The following PABPC5 variants were observed in gnomAD, a reference collection of about 807,000 sequenced individuals.
PABPC5 encodes the protein polyadenylate-binding protein 5.
In PABPC5, 6 loss-of-function variants were observed where a neutral mutation model predicts 12.6. The observed-to-expected ratio is 0.48, with a 90% CI of 0.26 to 0.94. The LOEUF is 0.94. Among genes scored for constraint, PABPC5 ranks in the 40% least tolerant of loss-of-function variants. The probability of loss-of-function intolerance (pLI) is 0.14; values close to 1 mark genes in which losing one functional copy is unlikely to be tolerated. For synonymous variants in PABPC5, 124 were observed against 118.4 expected, an observed-to-expected ratio of 1.05 and a Z score of -0.31; for missense variants, 244 against 302.8, an observed-to-expected ratio of 0.81 and a Z score of 1.44.
rs1269126814 is a variant in PABPC5 at position 91,437,655 on chromosome X, A to G, written c.*929A>G. On this transcript the variant is annotated 3_prime_UTR_variant, in exon 2 of 2. Coordinates refer to ENST00000312600, the MANE Select transcript of PABPC5 (RefSeq NM_080832.3). The stretch of plus-strand genomic sequence containing the variant: ...GCAGTACTCCACAGAATGATGTTGA[A>G]AAACTTCTTCGAAGAACACCTTCTA... 1.6e-5 allele frequency: 2 copies of G among 123,199 alleles called. No individual in the cohort carries two copies. The highest frequency in any genetic ancestry group is 3.8e-5 in the Non-Finnish European group (2 of 53,151). 10.2% of individuals were successfully genotyped at this position (123,199 alleles called of 1,213,427 possible).
chrX:91,435,139 A>C, intron 1 of PABPC5: 1 of 121,308 alleles, frequency 8.2e-6, no homozygotes, highest in Non-Finnish European at 1.7e-5. Flanking sequence ...CCTTGTTGAT[A>C]TCATTTTAAA....
intron 1 of PABPC5, chrX:91,435,115 C>G (rs1200433727): frequency 8.7e-6 from 1 of 114,820 alleles, no homozygotes; most frequent in Non-Finnish European, 1.8e-5. Flanking sequence ...GAGGAATACG[C>G]GCTCGGTCCC....
intron 1 of PABPC5, among the ~76,000 whole-genome samples, chrX:91,435,182 A>C (rs1466859143): frequency 1.8e-5 from 2 of 111,836 alleles, no homozygotes; most frequent in Non-Finnish European, 3.8e-5. Context: ...ATTTATGCAG[A>C]AAGCGGGTCG....
chrX:91,435,877 A>G lies in PABPC5; in HGVS notation c.300A>G (p.Leu100=), dbSNP rs760405733. The G allele has an allele frequency of 1.7e-6, 2 of 1,212,029 alleles. No homozygotes were observed. Among genetic ancestry groups the G allele is most frequent in the Non-Finnish European group, 2.2e-6 (2 of 895,434 alleles). ...TGTGGTCTCAGCCAGATGACCGCTT[A>G]AGAAAGTCTGGAGTGGGAAATATAT... ...RLMWSQPDDR[L]RKSGVGNIFI... is the part of the protein sequence containing the mutation. The change falls in exon 2 of 2, where the codon TTA becomes TTG. Residue 100 remains leucine (L), a synonymous_variant. Coordinates refer to ENST00000312600, the MANE Select transcript of PABPC5 (RefSeq NM_080832.3).
chrX:91,436,941 T>C lies in PABPC5; in HGVS notation c.*215T>C. 2.6e-6 allele frequency: 1 copy of C among 383,894 alleles called. No homozygotes were observed. The highest frequency in any genetic ancestry group is 4.5e-6 in the Non-Finnish European group (1 of 221,281). The allele number at this position is 383,894 out of a possible 1,213,427, so 31.6% of individuals were successfully genotyped here. Reference sequence around the variant, plus strand: ...ATTTTGTACTTTTTTTGATGTAATATCCTTAGAAATCTGTAGAATAAAGTG... The same window carrying C: ...ATTTTGTACTTTTTTTGATGTAATACCCTTAGAAATCTGTAGAATAAAGTG... On this transcript the variant is annotated 3_prime_UTR_variant, in exon 2 of 2. Transcript: ENST00000312600.
intron 1 of PABPC5, 27 bp from the exon 2 acceptor site, chrX:91,435,408 A>G: frequency 2.2e-6 from 1 of 450,188 alleles, no homozygotes. Flanking sequence ...CCTGCTGACC[A>G]GCTGTTTCTG....
In PABPC5 at chrX:91,437,878, T is replaced by C. The variant is rs1343521691; in HGVS notation, c.*1152T>C. The C allele has an allele frequency of 8.2e-6, 1 of 122,107 alleles. No individual in the cohort carries two copies. Among genetic ancestry groups the C allele is most frequent in the East Asian group, 2.8e-4 (1 of 3,547 alleles). The allele number at this position is 122,107 out of a possible 1,213,427, so 10.1% of individuals were successfully genotyped here. A position where few individuals can be genotyped will look rare whatever the true frequency, so the allele number is the denominator to read the frequency against. On this transcript the variant is annotated 3_prime_UTR_variant, in exon 2 of 2. Transcript: ENST00000312600. ...AAAAAAAAAAAGGTTTGTTCAATAT[T>C]GCCGTTACATTTATTAGCCTGTAAT... is the stretch of plus-strand genomic sequence containing the variant.
rs187065721 is a variant in PABPC5 at position 91,438,566 on chromosome X, A to T, written c.*1840A>T. 10 of 123,068 alleles carry T rather than the reference A, an allele frequency of 8.1e-5. No homozygotes were observed. The highest frequency in any genetic ancestry group is 2.9e-4 in the African/African-American group (9 of 31,005). 10.1% of individuals were successfully genotyped at this position (123,068 alleles called of 1,213,427 possible). ...AATAATCATCTTTTCCTGACAATAAATATCAATCTCTATCATCATCTTAGT... is the reference window on the plus strand; with the variant it reads ...AATAATCATCTTTTCCTGACAATAATTATCAATCTCTATCATCATCTTAGT... On this transcript the variant is annotated 3_prime_UTR_variant, in exon 2 of 2. Coordinates refer to ENST00000312600, the MANE Select transcript of PABPC5 (RefSeq NM_080832.3).
rs7050077 is a variant in PABPC5 at position 91,436,518 on chromosome X, A to G, written c.941A>G (p.Asn314Ser). The change falls in exon 2 of 2, where the codon AAT (asparagine) becomes AGT (serine). Residue 314 changes from asparagine (N) to serine (S), a missense_variant. This residue lies in a region of PABPC5 where 211 missense variants were observed against 261.5 expected (regional missense o/e 0.81). Transcript: ENST00000312600. The part of the protein sequence containing the change: ...IYIKNLDETI[N>S]DEKLKEEFSS... ...ATTAAGAACTTGGATGAGACAATCA[A>G]TGATGAAAAACTGAAGGAGGAATTT... 7.2e-4 allele frequency: 868 copies of G among 1,210,628 alleles called. 4 individuals are homozygous for G. The African/African-American group carries it at 0.014, about 19-fold the overall frequency.
At position 91,435,741 on chromosome X, in the gene PABPC5, C is replaced by G. The variant is rs1452748098; in HGVS notation, c.164C>G (p.Thr55Ser). The change falls in exon 2 of 2, where the codon ACC becomes AGC. Residue 55 changes from threonine to serine, a missense_variant. Physicochemically the swap from Thr to Ser is moderately conservative, Grantham distance 58 (BLOSUM62 1). This residue lies in a region of PABPC5 where 211 missense variants were observed against 261.5 expected (regional missense o/e 0.81). Transcript: ENST00000312600. ...ACCCGAATCTGCCGTGATCCGGTGA[C>G]CCGCAGCCCCCTGGGCTATGGGTAT... is the stretch of plus-strand genomic sequence containing the variant. The part of the protein sequence containing the change: ...RFTRICRDPV[T>S]RSPLGYGYVN... 4.1e-6 allele frequency: 5 copies of G among 1,209,526 alleles called. No individual in the cohort carries two copies. Among genetic ancestry groups the G allele is most frequent in the African/African-American group, 3.5e-5 (2 of 57,095 alleles).
At position 91,435,635 on chromosome X, in the gene PABPC5, C is replaced by T; in HGVS notation, c.58C>T (p.Leu20=). 2 of 1,211,302 alleles carry T rather than the reference C, an allele frequency of 1.7e-6. No homozygotes were observed. Among genetic ancestry groups the T allele is most frequent in the Non-Finnish European group, 2.2e-6 (2 of 895,324 alleles). ...GAAAAAGAAGTATCTCAAGGCCGCT[C>T]TGTACGTGGGTGACTTGGACCCAGA... The part of the protein sequence containing the change: ...GKKKKYLKAA[L]YVGDLDPDVT... The change falls in exon 2 of 2, where the codon CTG becomes TTG. Residue 20 remains leucine (L), a synonymous_variant. Transcript: ENST00000312600.
rs751021259 is a variant in PABPC5 at position 91,435,748 on chromosome X, C to G, written c.171C>G (p.Ser57Arg). Reference sequence around the variant, plus strand: ...TCTGCCGTGATCCGGTGACCCGCAGCCCCCTGGGCTATGGGTATGTTAACT... The same window carrying G: ...TCTGCCGTGATCCGGTGACCCGCAGGCCCCTGGGCTATGGGTATGTTAACT... ...TRICRDPVTR[S>R]PLGYGYVNFR... is the part of the protein sequence containing the mutation. The change falls in exon 2 of 2, where the codon AGC (serine) becomes AGG (arginine). Residue 57 changes from serine to arginine, a missense_variant. Physicochemically the swap from Ser to Arg is moderately radical, Grantham distance 110 (BLOSUM62 -1). This residue lies in a region of PABPC5 where 211 missense variants were observed against 261.5 expected (regional missense o/e 0.81). Coordinates refer to ENST00000312600, the MANE Select transcript of PABPC5 (RefSeq NM_080832.3). The G allele has an allele frequency of 1.7e-6, 2 of 1,209,488 alleles. No homozygotes were observed. Among genetic ancestry groups the G allele is most frequent in the African/African-American group, 3.5e-5 (2 of 57,111 alleles).
Position 91,436,612 on chromosome X carries a change from G to A in PABPC5, c.1035G>A (p.Val345=), listed in dbSNP as rs1322767250. The part of the protein sequence containing the change: ...MEVGQGKGFG[V]VCFSSFEEAT... ...TGGGGCAAGGCAAAGGATTTGGTGT[G>A]GTCTGCTTTTCCTCTTTTGAAGAGG... Residue 345 remains valine, a synonymous_variant, in exon 2 of 2, where the codon GTG becomes GTA. Transcript: ENST00000312600. The A allele has an allele frequency of 8.3e-7, 1 of 1,210,173 alleles. No individual in the cohort carries two copies. Among genetic ancestry groups the A allele is most frequent in the Non-Finnish European group, 1.1e-6 (1 of 895,278 alleles).
In PABPC5 at chrX:91,436,555, G is replaced by A. The variant is rs779783018; in HGVS notation, c.978G>A (p.Gly326=). Residue 326 remains glycine (G), a synonymous_variant, in exon 2 of 2, where the codon GGG becomes GGA. Coordinates refer to ENST00000312600, the MANE Select transcript of PABPC5 (RefSeq NM_080832.3). ...EKLKEEFSSF[G]SISRAKVMME... is the part of the protein sequence containing the mutation. Reference sequence around the variant, plus strand: ...TGAAGGAGGAATTTTCTTCCTTTGGGTCAATTAGTCGGGCCAAAGTGATGA... The same window carrying A: ...TGAAGGAGGAATTTTCTTCCTTTGGATCAATTAGTCGGGCCAAAGTGATGA... 2.4e-5 allele frequency: 29 copies of A among 1,211,894 alleles called. No individual in the cohort carries two copies. The highest frequency in any genetic ancestry group is 2.8e-5 in the Non-Finnish European group (25 of 895,534).
chrX:91,435,627 A>G lies in PABPC5; in HGVS notation c.50A>G (p.Lys17Arg). 1 of 1,210,989 alleles carries G rather than the reference A, an allele frequency of 8.3e-7. No homozygotes were observed. Among genetic ancestry groups the G allele is most frequent in the South Asian group, 1.8e-5 (1 of 56,854 alleles). ...GCTGGCAAGAAAAAGAAGTATCTCA[A>G]GGCCGCTCTGTACGTGGGTGACTTG... ...NPAGKKKKYL[K>R]AALYVGDLDP... Residue 17 changes from lysine to arginine, a missense_variant, in exon 2 of 2, where the codon AAG becomes AGG. Physicochemically the swap from Lys to Arg is conservative, Grantham distance 26 (BLOSUM62 2). Around this residue, in one of 3 missense-constraint regions of PABPC5, gnomAD observed 29 missense variants for 20.5 expected, o/e 1.41. Coordinates refer to ENST00000312600, the MANE Select transcript of PABPC5 (RefSeq NM_080832.3).
In PABPC5 at chrX:91,435,873, G is replaced by A; in HGVS notation, c.296G>A (p.Arg99His). ...FRLMWSQPDD[R>H]LRKSGVGNIF... ...CTTATGTGGTCTCAGCCAGATGACC[G>A]CTTAAGAAAGTCTGGAGTGGGAAAT... The change falls in exon 2 of 2, where the codon CGC becomes CAC. Residue 99 changes from arginine to histidine, a missense_variant. Physicochemically the swap from Arg to His is conservative, Grantham distance 29 (BLOSUM62 0). Around this residue, in one of 3 missense-constraint regions of PABPC5, gnomAD observed 211 missense variants for 261.5 expected, o/e 0.81. Transcript: ENST00000312600. 8.3e-7 allele frequency: 1 copy of A among 1,211,703 alleles called. No homozygotes were observed. Among genetic ancestry groups the A allele is most frequent in the Non-Finnish European group, 1.1e-6 (1 of 895,341 alleles).
intron 1 of PABPC5, among the ~76,000 whole-genome samples, chrX:91,435,197 G>T (rs1931576856): frequency 8.9e-6 from 1 of 111,874 alleles, no homozygotes; most frequent in South Asian, 3.8e-4. Context: ...GGGTCGGGAG[G>T]CCTCTGTCTG....
rs1931604561 is a variant in PABPC5 at position 91,436,472 on chromosome X, C to T, written c.895C>T (p.Pro299Ser). The change falls in exon 2 of 2, where the codon CCC becomes TCC. Residue 299 changes from proline (P) to serine (S), a missense_variant. Pro to Ser is a moderately conservative substitution (Grantham distance 74, BLOSUM62 -1). This residue lies in a region of PABPC5 where 211 missense variants were observed against 261.5 expected (regional missense o/e 0.81). Transcript: ENST00000312600. ...ERLRLKEKSR[P>S]PGVPIYIKNL... The stretch of plus-strand genomic sequence containing the variant: ...GCTGAGGTTAAAAGAAAAAAGTCGG[C>T]CCCCAGGGGTGCCTATCTATATTAA... The T allele has an allele frequency of 8.3e-7, 1 of 1,211,592 alleles. No individual in the cohort carries two copies.
At position 91,434,858 on chromosome X, in the gene PABPC5, C is replaced by G. The variant is rs1343845493; in HGVS notation, c.-180C>G. 1.8e-5 allele frequency: 2 copies of G among 111,778 alleles called. No individual in the cohort carries two copies. Among genetic ancestry groups the G allele is most frequent in the African/African-American group, 3.3e-5 (1 of 30,481 alleles). 9.2% of individuals were successfully genotyped at this position (111,778 alleles called of 1,213,427 possible). On this transcript the variant is annotated 5_prime_UTR_variant, in exon 1 of 2. Coordinates refer to ENST00000312600, the MANE Select transcript of PABPC5 (RefSeq NM_080832.3). ...CCAGTCAGTCTCTCCGGACCTGCCT[C>G]GAGCCTCAGGCTGCTGAAATCACCG...
Sources: gnomAD v4.1 joint callset for allele counts (sites outside exome capture counted in the v4.1 genomes callset) on GRCh38, gnomAD v4.1.1 for gene constraint, gnomAD v4.1.1 regional missense constraint, MANE v1.5 for transcripts, NCBI Gene and HGNC (gene_info 2026-07-23, HGNC 2026-07-21) for gene names.